BCAS3: variants seen among roughly 807,000 people sequenced by gnomAD.
BCAS3 encodes the protein BCAS4/BCAS3 fusion.
BCAS3 carries 53 observed loss-of-function variants against 116.1 expected under a neutral mutation model. The ratio of observed to expected loss-of-function variants is 0.46; its 90% confidence interval spans 0.37 to 0.57. BCAS3 has a LOEUF of 0.57. BCAS3 is among the 20% of genes least tolerant of loss of function. BCAS3 has a pLI of 0.00. For synonymous variants in BCAS3, 391 were observed against 408.2 expected (o/e 0.96, Z 0.51); for missense variants, 917 against 1,165.4 (o/e 0.79, Z 3.10).
Position 61,107,126 on chromosome 17 carries a change from G to A in BCAS3, c.2425+22562G>A, listed in dbSNP as rs573613742. Among the ~76,000 whole-genome samples, 23 of 123,412 alleles carry A rather than the reference G, an allele frequency of 1.9e-4. No individual in the cohort carries two copies. The South Asian group carries it at 4.6e-3, about 24-fold the overall frequency. 81.0% of individuals were successfully genotyped at this position (123,412 alleles called of 152,430 possible). On this transcript the variant is annotated intron_variant, in intron 22 of 23. Transcript: ENST00000407086. ...TTTTGAGACGGAGTCTCGCTCTGTC[G>A]CCCAGGCTGGAGTGAAGTGGTGTGA...
chr17:61,076,414 A>G (rs534595671), intron 20 of BCAS3, among the ~76,000 whole-genome samples: 28 of 152,200 alleles, frequency 1.8e-4, no homozygotes, highest in Non-Finnish European at 4.0e-4. Flanking sequence ...ATTTCATCAC[A>G]CCAAAAATAT....
intron 7 of BCAS3, among the ~76,000 whole-genome samples, chr17:60,824,808 T>C (rs1375758902): frequency 6.6e-6 from 1 of 152,196 alleles, no homozygotes; most frequent in East Asian, 1.9e-4. Flanking sequence ...TGCCGATGTG[T>C]TGTTTTCTGG....
rs1381665103 is a variant in BCAS3 at position 61,139,019 on chromosome 17, A to G, written c.2425+54455A>G. On this transcript the variant is annotated intron_variant, in intron 22 of 23. Coordinates refer to ENST00000407086, the MANE Select transcript of BCAS3 (RefSeq NM_017679.5). This position sits in a 1 kb window ranked among gnomAD's most constrained non-coding sequence, Gnocchi z 4.7. Reference sequence around the variant, plus strand: ...TTCAAGTTATTTTTAAACCCACTTTATGCTTTTGCTTACATTTGTTTATTA... The same window carrying G: ...TTCAAGTTATTTTTAAACCCACTTTGTGCTTTTGCTTACATTTGTTTATTA... 1.3e-5 allele frequency among the ~76,000 whole-genome samples: 2 copies of G among 152,228 alleles called. No homozygotes were observed. Among genetic ancestry groups the G allele is most frequent in the Admixed American group, 6.5e-5 (1 of 15,282 alleles).
chr17:60,953,081 T>C (rs2060930234), intron 14 of BCAS3, among the ~76,000 whole-genome samples: 1 of 151,978 alleles, frequency 6.6e-6, no homozygotes, highest in Non-Finnish European at 1.5e-5. Flanking sequence ...AACATGTGCA[T>C]GCATGTGTCT....
Position 61,324,022 on chromosome 17 carries a change from ATC to A in BCAS3, c.2426-44304_2426-44303del, listed in dbSNP as rs143824599. Among the ~76,000 whole-genome samples, 699 of 152,308 alleles carry A rather than the reference ATC, an allele frequency of 4.6e-3. 4 individuals are homozygous for A. Among genetic ancestry groups the A allele is most frequent in the African/African-American group, 0.016 (668 of 41,562 alleles). On this transcript the variant is annotated intron_variant, in intron 22 of 23. Transcript: ENST00000407086. The surrounding 1 kb of genome is among the most constrained non-coding windows in gnomAD (Gnocchi z 4.6). ...AGATGTTTGGGGATTTCCAGCTGGA[ATC>A]CTCACACTTCTTTGGCTGGAGCCGC...
rs185660268 is a variant in BCAS3 at position 60,904,868 on chromosome 17, C to T, written c.822+2165C>T. Among the ~76,000 whole-genome samples, 243 of 152,174 alleles carry T rather than the reference C, an allele frequency of 1.6e-3. 1 individual carries two copies. The highest frequency in any genetic ancestry group is 5.6e-3 in the African/African-American group (233 of 41,514). On this transcript the variant is annotated intron_variant, in intron 11 of 23. Coordinates refer to ENST00000407086, the MANE Select transcript of BCAS3 (RefSeq NM_017679.5). The stretch of plus-strand genomic sequence containing the variant: ...AAAAACTCACAAAGATGTCTCCAGA[C>T]CTAGAAAACTTCTCTAGAGAATTCT...
chr17:61,309,491 C>T lies in BCAS3; in HGVS notation c.2426-58836C>T, dbSNP rs766213396. ...CCTAAAGTGGACATCAGAGGGGTCC[C>T]GGCAATGCGGCCCTGACCCTTCCCT... On this transcript the variant is annotated intron_variant, in intron 22 of 23. Transcript: ENST00000407086. The surrounding 1 kb of genome is among the most constrained non-coding windows in gnomAD (Gnocchi z 4.6). Among the ~76,000 whole-genome samples, 9 of 152,228 alleles carry T rather than the reference C, an allele frequency of 5.9e-5. No individual in the cohort carries two copies. The East Asian group carries it at 9.7e-4, about 16-fold the overall frequency.
chr17:61,223,784 T>G (rs1568608319), intron 22 of BCAS3, among the ~76,000 whole-genome samples: 1 of 152,234 alleles, frequency 6.6e-6, no homozygotes, highest in East Asian at 1.9e-4. Flanking sequence ...AACTTGTATT[T>G]GCACCTCTGA....
chr17:61,203,001 C>A lies in BCAS3; in HGVS notation c.2425+118437C>A, dbSNP rs940787653. Among the ~76,000 whole-genome samples the A allele has an allele frequency of 3.3e-5, 5 of 152,048 alleles. No homozygotes were observed. The highest frequency in any genetic ancestry group is 1.2e-4 in the African/African-American group (5 of 41,390). On this transcript the variant is annotated intron_variant, in intron 22 of 23. Transcript: ENST00000407086. The surrounding 1 kb of genome is among the most constrained non-coding windows in gnomAD (Gnocchi z 5.7). Reference sequence around the variant, plus strand: ...AGTCTTCCTCTGCTGTGAATTAGGGCTAATATTAAATTTTGTGTGGTTGCT... The same window carrying A: ...AGTCTTCCTCTGCTGTGAATTAGGGATAATATTAAATTTTGTGTGGTTGCT...
intron 3 of BCAS3, among the ~76,000 whole-genome samples, chr17:60,686,046 T>C (rs1186779964): frequency 6.6e-6 from 1 of 151,968 alleles, no homozygotes; most frequent in African/African-American, 2.4e-5. Flanking sequence ...ATTTTTGTAT[T>C]TTTAGTAGAG....
rs1396402845 is a variant in BCAS3, at chr17:61,008,321, G to A, written c.1487-7430G>A. Among the ~76,000 whole-genome samples the A allele has an allele frequency of 6.6e-6, 1 of 152,002 alleles. No homozygotes were observed. Among genetic ancestry groups the A allele is most frequent in the Non-Finnish European group, 1.5e-5 (1 of 67,962 alleles). On this transcript the variant is annotated intron_variant, in intron 15 of 23. Coordinates refer to ENST00000407086, the MANE Select transcript of BCAS3 (RefSeq NM_017679.5). This position sits in a 1 kb window ranked among gnomAD's most constrained non-coding sequence, Gnocchi z 4.6. Reference sequence around the variant, plus strand: ...TAGGAAAGGGGAGAAGAGAGAGATGGAGAGAGAGACACACACTCCCATCCC... The same window carrying A: ...TAGGAAAGGGGAGAAGAGAGAGATGAAGAGAGAGACACACACTCCCATCCC...
At chr17:60,896,791 C>T (rs7218029) in intron 10 of BCAS3, among the ~76,000 whole-genome samples, 1 of 151,706 alleles carries the variant, frequency 6.6e-6, no homozygotes, top group African/African-American at 2.4e-5. Context: ...GTTATTCTGT[C>T]TCTTTTAAGT....
chr17:61,179,556 GT>G (rs1441945535), intron 22 of BCAS3, among the ~76,000 whole-genome samples: 1 of 152,140 alleles, frequency 6.6e-6, no homozygotes, highest in African/African-American at 2.4e-5. Context: ...TACTAGAAGA[GT>G]TAATAAACAC....
rs2072085286 is a variant in BCAS3 at position 61,077,188 on chromosome 17, G to A, written c.2131-1145G>A. On this transcript the variant is annotated intron_variant, in intron 20 of 23. Transcript: ENST00000407086. The surrounding 1 kb of genome is among the most constrained non-coding windows in gnomAD (Gnocchi z 4.3). ...TATATATTTTCAGGTTTTTCCAAGT[G>A]TCTTCTACCCACTTCTTTGACTTTA... Among the ~76,000 whole-genome samples the A allele has an allele frequency of 6.6e-6, 1 of 151,572 alleles. No homozygotes were observed. The highest frequency in any genetic ancestry group is 2.1e-4 in the South Asian group (1 of 4,796).
Position 61,323,924 on chromosome 17 carries a change from C to T in BCAS3, c.2426-44403C>T, listed in dbSNP as rs1301040665. ...CTTCTTCCCTTCTTGTTTGCACATT[C>T]TTCCTGGAGGAAAATGATAGCTCAT... On this transcript the variant is annotated intron_variant, in intron 22 of 23. Coordinates refer to ENST00000407086, the MANE Select transcript of BCAS3 (RefSeq NM_017679.5). The surrounding 1 kb of genome is among the most constrained non-coding windows in gnomAD (Gnocchi z 4.6). Among the ~76,000 whole-genome samples the T allele has an allele frequency of 6.6e-6, 1 of 152,234 alleles. No individual in the cohort carries two copies. Among genetic ancestry groups the T allele is most frequent in the South Asian group, 2.1e-4 (1 of 4,836 alleles).
At chr17:61,150,312 G>A (rs1011189743) in intron 22 of BCAS3, among the ~76,000 whole-genome samples, 2 of 152,214 alleles carry the variant, frequency 1.3e-5, no homozygotes, top group Non-Finnish European at 2.9e-5. Flanking sequence ...ACCCGATCAG[G>A]TTGCTGTTGG....
chr17:60,850,874 C>T (rs78066126), intron 7 of BCAS3, among the ~76,000 whole-genome samples: 4,602 of 152,160 alleles, frequency 0.03, 178 homozygotes, highest in East Asian at 0.091. Context: ...ATATAAATGT[C>T]ATCTCTTCCT....
chr17:60,795,833 G>A (rs1454457782), intron 6 of BCAS3, among the ~76,000 whole-genome samples: 1 of 152,076 alleles, frequency 6.6e-6, no homozygotes, highest in Non-Finnish European at 1.5e-5. Flanking sequence ...GGGATTACAG[G>A]CATGCGCCAC....
chr17:61,057,010 G>A (rs1406716830), intron 19 of BCAS3, among the ~76,000 whole-genome samples: 1 of 152,162 alleles, frequency 6.6e-6, no homozygotes. Context: ...GAGAAGGAGG[G>A]AAATCCATTA....
Sources: gnomAD v4.1 joint callset for allele counts (sites outside exome capture counted in the v4.1 genomes callset) on GRCh38, gnomAD v4.1.1 for gene constraint, Gnocchi (gnomAD v3.1) non-coding constraint, MANE v1.5 for transcripts, NCBI Gene and HGNC (gene_info 2026-07-23, HGNC 2026-07-21) for gene names.